Variants in PUM1 observed in about 807,000 individuals in gnomAD.
The protein encoded by PUM1 is pumilio RNA binding family member 1.
In PUM1, 13 loss-of-function variants were observed where a neutral mutation model predicts 131.8. The observed-to-expected ratio is 0.10, with a 90% confidence interval of 0.06 to 0.16. PUM1 has a LOEUF of 0.16. PUM1 is among the 10% of genes least tolerant of loss of function. The pLI is 1.00. For synonymous variants in PUM1, 509 were observed against 556.5 expected (o/e 0.91, Z 1.20); for missense variants, 961 against 1,512.4 (o/e 0.64, Z 6.05).
intron 5 of PUM1, among the ~76,000 whole-genome samples, chr1:30,998,641 C>T (rs918764620): frequency 4.6e-5 from 7 of 152,084 alleles, no homozygotes; most frequent in South Asian, 2.1e-4. Context: ...ATAAAGGATA[C>T]GAAAAGAAAA....
intron 5 of PUM1, among the ~76,000 whole-genome samples, chr1:31,004,934 G>C (rs1339373948): frequency 6.6e-6 from 1 of 152,158 alleles, no homozygotes; most frequent in African/African-American, 2.4e-5. Context: ...GTTTTCAGGT[G>C]ATATCAGCCC....
rs551634170 is a variant in PUM1 at position 30,937,396 on chromosome 1, C to T, written c.3243-561G>A. Among the ~76,000 whole-genome samples the T allele has an allele frequency of 3.3e-5, 5 of 152,232 alleles. No homozygotes were observed. The East Asian group carries it at 9.8e-4, about 30-fold the overall frequency. ...TGGTGCATGCCTGTAATCCCAGCTA[C>T]TTGGGAGGTTGAGGCAGGAGAATTG... On this transcript the variant is annotated intron_variant, in intron 20 of 21. Coordinates refer to ENST00000426105, the MANE Select transcript of PUM1 (RefSeq NM_001020658.2).
At chr1:30,967,032 C>T (rs1640650041) in intron 12 of PUM1, 135 bp downstream of exon 12, 3 of 1,013,224 alleles carry the variant, frequency 3.0e-6, no homozygotes, top group Admixed American at 5.7e-5. Context: ...TGCTTCTGAT[C>T]TCTTTTTGAA....
rs1010948886 is a variant in PUM1 at position 31,052,015 on chromosome 1, CT to C, written c.363+7188del. On this transcript the variant is annotated intron_variant, in intron 2 of 21. Transcript: ENST00000426105. ...TAAAAATTACTGTCAAAATAAGTAACTTTTTTTTTTCTTTGGAGACGGAGTC... is the reference window on the plus strand; with the variant it reads ...TAAAAATTACTGTCAAAATAAGTAACTTTTTTTTTCTTTGGAGACGGAGTC... 2.7e-4 allele frequency among the ~76,000 whole-genome samples: 41 copies of C among 150,142 alleles called. 1 individual carries two copies. In the Middle Eastern group the frequency reaches 0.021, roughly 76 times the overall value.
chr1:30,933,496 A>G (rs1318570186), intron 21 of PUM1, among the ~76,000 whole-genome samples, 154 bp from the exon 22 acceptor site: 3 of 145,678 alleles, frequency 2.1e-5, no homozygotes, highest in African/African-American at 7.5e-5. Flanking sequence ...CCCTACAGCA[A>G]TACCTTTCAC....
chr1:31,056,958 A>G (rs1644255632), intron 2 of PUM1, among the ~76,000 whole-genome samples: 3 of 151,398 alleles, frequency 2.0e-5, no homozygotes, highest in South Asian at 4.2e-4. Context: ...ACGCCTGGCT[A>G]ATTTCTGCAT....
intron 2 of PUM1, among the ~76,000 whole-genome samples, chr1:31,035,034 G>T (rs774264246): frequency 5.3e-5 from 8 of 152,178 alleles, no homozygotes; most frequent in African/African-American, 1.7e-4. Context: ...CTGTTCTACA[G>T]CATCTTCTGC....
intron 21 of PUM1, among the ~76,000 whole-genome samples, chr1:30,936,220 T>C (rs1639203249): frequency 1.3e-5 from 2 of 151,818 alleles, no homozygotes; most frequent in East Asian, 3.9e-4. Context: ...TAGTCATCTC[T>C]GTGCTGATGA....
At chr1:31,022,798 A>G (rs1182410901) in intron 3 of PUM1, among the ~76,000 whole-genome samples, 1 of 152,170 alleles carries the variant, frequency 6.6e-6, no homozygotes, top group East Asian at 1.9e-4. Flanking sequence ...CATTTCAAGA[A>G]CAAGATGTCA....
rs1034772070 is a variant in PUM1 at position 31,013,042 on chromosome 1, C to T, written c.433-5940G>A. Among the ~76,000 whole-genome samples the T allele has an allele frequency of 3.2e-4, 48 of 152,186 alleles. 1 individual carries two copies. The highest frequency in any genetic ancestry group is 2.9e-5 in the Non-Finnish European group (2 of 68,028). On this transcript the variant is annotated intron_variant, in intron 3 of 21. Transcript: ENST00000426105. ...AAACAAAAAATCAGCTACTATCCTT[C>T]TTTAAAAGAGCAAAGTAGCAGCCAA...
chr1:31,062,417 C>G (rs1172912596), intron 1 of PUM1, among the ~76,000 whole-genome samples: 1 of 152,050 alleles, frequency 6.6e-6, no homozygotes, highest in African/African-American at 2.4e-5. Flanking sequence ...GGTCAGAATT[C>G]CAGACCAGCC....
intron 11 of PUM1, 86 bp from the exon 12 acceptor site, chr1:30,967,396 C>T (rs1162720915): frequency 2.1e-6 from 3 of 1,418,114 alleles, no homozygotes; most frequent in Non-Finnish European, 2.9e-6. Context: ...TAATCACAAA[C>T]TCAGCTTTGA....
At chr1:31,027,083 G>A (rs535600840) in intron 3 of PUM1, among the ~76,000 whole-genome samples, 8 of 152,250 alleles carry the variant, frequency 5.3e-5, no homozygotes, top group African/African-American at 1.9e-4. Flanking sequence ...AGCATTCAGT[G>A]ATTATAAACT....
At chr1:30,974,319 G>T (rs1641050064) in intron 10 of PUM1, among the ~76,000 whole-genome samples, 1 of 152,138 alleles carries the variant, frequency 6.6e-6, no homozygotes, top group Admixed American at 6.5e-5. Flanking sequence ...ACCCTGAAAT[G>T]ATCTGAAAGT....
At chr1:30,999,084 T>C (rs1370997203) in intron 5 of PUM1, among the ~76,000 whole-genome samples, 1 of 152,220 alleles carries the variant, frequency 6.6e-6, no homozygotes. Flanking sequence ...CACTGCAGCC[T>C]TGACCTCTAG....
intron 7 of PUM1, among the ~76,000 whole-genome samples, chr1:30,987,467 T>C (rs908184826): frequency 8.5e-5 from 13 of 152,320 alleles, no homozygotes; most frequent in African/African-American, 3.1e-4. Flanking sequence ...AGTGCTGAGA[T>C]TACAGGCGTG....
chr1:30,974,213 T>C (rs542126540), intron 10 of PUM1, among the ~76,000 whole-genome samples: 2 of 152,288 alleles, frequency 1.3e-5, no homozygotes, highest in South Asian at 2.1e-4. Flanking sequence ...GCAGATATGA[T>C]AGTTTAAGAT....
intron 2 of PUM1, among the ~76,000 whole-genome samples, chr1:31,033,495 C>T (rs1188372928): frequency 6.6e-6 from 1 of 150,968 alleles, no homozygotes; most frequent in East Asian, 2.0e-4. Context: ...CGGGTTCACG[C>T]CATTCTCCTG....
chr1:31,043,135 G>A (rs1004388511), intron 2 of PUM1, among the ~76,000 whole-genome samples: 1 of 152,064 alleles, frequency 6.6e-6, no homozygotes, highest in African/African-American at 2.4e-5. Flanking sequence ...CTTAAAAGTG[G>A]TATCTCCCTA....
Sources: gnomAD v4.1 joint callset for allele counts (sites outside exome capture counted in the v4.1 genomes callset) on GRCh38, gnomAD v4.1.1 for gene constraint, MANE v1.5 for transcripts, NCBI Gene and HGNC (gene_info 2026-07-23, HGNC 2026-07-21) for gene names.